The following GLRA3 variants were observed in gnomAD, a reference collection of about 807,000 sequenced individuals.
GLRA3 encodes the protein glycine receptor alpha 3, also known as glycine receptor subunit alpha-3.
In GLRA3, 44 loss-of-function variants were observed where a neutral mutation model predicts 60.4. The observed-to-expected ratio is 0.73, with a 90% CI of 0.57 to 0.94. The LOEUF is 0.94. Among genes scored for constraint, GLRA3 ranks in the 40% least tolerant of loss-of-function variants. The pLI is 0.00. For missense variants in GLRA3, 508 were observed against 564.6 expected (o/e 0.90, Z 1.02); for synonymous variants, 223 against 192.9 (o/e 1.16, Z -1.29).
chr4:174,721,976 TG>T (rs953864497), intron 4 of GLRA3, among the ~76,000 whole-genome samples: 1 of 152,020 alleles, frequency 6.6e-6, no homozygotes, highest in African/African-American at 2.4e-5. Context: ...CTACAGATTC[TG>T]GCATTTGGAG....
At chr4:174,824,648 T>A (rs1740886073) in intron 1 of GLRA3, among the ~76,000 whole-genome samples, 2 of 152,186 alleles carry the variant, frequency 1.3e-5, no homozygotes, top group Admixed American at 1.3e-4. Context: ...ATACTATATA[T>A]CTGTATCATT....
intron 1 of GLRA3, among the ~76,000 whole-genome samples, chr4:174,797,643 A>G (rs1365655688): frequency 6.6e-6 from 1 of 152,206 alleles, no homozygotes; most frequent in African/African-American, 2.4e-5. Context: ...CAATAAGATA[A>G]GAGAGTAATA....
At chr4:174,740,149 C>T (rs1736959804) in intron 3 of GLRA3, among the ~76,000 whole-genome samples, 1 of 152,054 alleles carries the variant, frequency 6.6e-6, no homozygotes, top group African/African-American at 2.4e-5. Context: ...CAAAACAATG[C>T]TATAGTGGGA....
chr4:174,679,796 G>A (rs1283520906), intron 6 of GLRA3, among the ~76,000 whole-genome samples: 2 of 152,194 alleles, frequency 1.3e-5, no homozygotes, highest in East Asian at 1.9e-4. Flanking sequence ...TTATTCACAT[G>A]TGGGAGCTAA....
At chr4:174,777,408 G>A (rs1377614279) in intron 2 of GLRA3, among the ~76,000 whole-genome samples, 2 of 152,130 alleles carry the variant, frequency 1.3e-5, no homozygotes, top group African/African-American at 4.8e-5. Flanking sequence ...AACCTGAAAA[G>A]CATATTGCTA....
chr4:174,679,857 G>C (rs538287102), intron 6 of GLRA3, among the ~76,000 whole-genome samples: 1 of 152,348 alleles, frequency 6.6e-6, no homozygotes, highest in African/African-American at 2.4e-5. Context: ...TCGAGAGGCT[G>C]AGAAGAAGGC....
chr4:174,671,570 A>G (rs1733910401), intron 7 of GLRA3, among the ~76,000 whole-genome samples: 1 of 150,348 alleles, frequency 6.7e-6, no homozygotes, highest in African/African-American at 2.4e-5. Context: ...ATTTTCTAAT[A>G]GTTATAATCA....
chr4:174,721,739 C>G (rs1736136928), intron 4 of GLRA3, among the ~76,000 whole-genome samples: 1 of 147,916 alleles, frequency 6.8e-6, no homozygotes, highest in African/African-American at 2.5e-5. Flanking sequence ...TGCCATATAA[C>G]TAAGAGGAAA....
chr4:174,775,751 T>A (rs1333640359), intron 2 of GLRA3, among the ~76,000 whole-genome samples: 2 of 152,192 alleles, frequency 1.3e-5, no homozygotes, highest in Non-Finnish European at 2.9e-5. Context: ...TAAACATGCT[T>A]CTAGTTTCAG....
chr4:174,796,991 T>A (rs529255428), intron 1 of GLRA3, among the ~76,000 whole-genome samples: 31 of 152,288 alleles, frequency 2.0e-4, no homozygotes, highest in Non-Finnish European at 4.1e-4. Context: ...CTTAGAAAAC[T>A]AGTCATTTAA....
intron 3 of GLRA3, among the ~76,000 whole-genome samples, chr4:174,750,297 T>C (rs907951811): frequency 3.3e-5 from 5 of 152,292 alleles, no homozygotes; most frequent in Non-Finnish European, 2.9e-5. Flanking sequence ...TTAGCTCAGA[T>C]AGCCAGGAAT....
intron 7 of GLRA3, among the ~76,000 whole-genome samples, chr4:174,669,320 G>C (rs964991701): frequency 3.9e-5 from 6 of 152,046 alleles, no homozygotes; most frequent in Non-Finnish European, 7.4e-5. Flanking sequence ...AAAGACAGGT[G>C]TTGAAGTGGA....
At chr4:174,720,093 C>G (rs1231237566) in intron 4 of GLRA3, among the ~76,000 whole-genome samples, 1 of 152,000 alleles carries the variant, frequency 6.6e-6, no homozygotes, top group African/African-American at 2.4e-5. Flanking sequence ...AATTTCTTCC[C>G]GTGATCTGAT....
At chr4:174,712,910 C>CATAT (rs57321106) in intron 5 of GLRA3, 1 of 151,240 alleles carries the variant, frequency 6.6e-6, no homozygotes, top group South Asian at 2.1e-4. Context: ...CACATATATG[C>CATAT]ATATATATAC....
intron 3 of GLRA3, among the ~76,000 whole-genome samples, chr4:174,738,107 C>T (rs1736875873): frequency 1.3e-5 from 2 of 152,180 alleles, no homozygotes. Context: ...CCAAGGAACT[C>T]TGTGGAGGTT....
intron 1 of GLRA3, among the ~76,000 whole-genome samples, chr4:174,803,089 G>A (rs1189906524): frequency 6.6e-6 from 1 of 151,968 alleles, no homozygotes; most frequent in African/African-American, 2.4e-5. Context: ...GTAATTATTT[G>A]AGATTTCTTA....
intron 3 of GLRA3, among the ~76,000 whole-genome samples, chr4:174,747,568 G>A (rs998388718): frequency 1.3e-5 from 2 of 152,094 alleles, no homozygotes; most frequent in African/African-American, 2.4e-5. Flanking sequence ...ATTCTGTGAC[G>A]GTTCCTGTCA....
chr4:174,751,037 GAA>G (rs1460230873), intron 3 of GLRA3, among the ~76,000 whole-genome samples: 2 of 151,550 alleles, frequency 1.3e-5, no homozygotes, highest in Non-Finnish European at 2.9e-5. Context: ...AGCTAACCCA[GAA>G]AAAAGAGAAG....
At chr4:174,785,936 GTTTTTTTTT>G (rs752488665) in intron 2 of GLRA3, among the ~76,000 whole-genome samples, 20 of 103,478 alleles carry the variant, frequency 1.9e-4, no homozygotes, top group Admixed American at 6.6e-4. Flanking sequence ...TGCCTGGCTA[GTTTTTTTTT>G]TTTTTTTTTT....
Sources: allele counts gnomAD v4.1 joint callset (sites outside exome capture counted in the v4.1 genomes callset), GRCh38; gene constraint gnomAD v4.1.1; transcripts MANE v1.5; gene names NCBI Gene and HGNC (gene_info 2026-07-23, HGNC 2026-07-21).